The following DLC1 variants were observed in gnomAD, a reference collection of about 807,000 sequenced individuals.
The protein encoded by DLC1 is DLC1 Rho GTPase activating protein, also known as rho GTPase-activating protein 7.
Under a neutral mutation model 140.3 loss-of-function variants are expected in DLC1, and 54 were observed. That is an observed-to-expected ratio of 0.38 (90% CI 0.31 to 0.48). DLC1 has a LOEUF of 0.48. Ranked by LOEUF, DLC1 falls within the 20% of genes least tolerant of loss-of-function variation. DLC1 has a pLI of 0.96. For synonymous variants in DLC1, 986 were observed against 728.1 expected (o/e 1.35, Z -5.70); for missense variants, 2,536 against 1,907.0 (o/e 1.33, Z -6.14).
intron 5 of DLC1, among the ~76,000 whole-genome samples, chr8:13,165,968 C>G (rs554928914): frequency 1.3e-4 from 20 of 152,182 alleles, no homozygotes; most frequent in African/African-American, 3.6e-4. Context: ...GTACAGTAGT[C>G]GATACTATGT....
rs1246764417 is a variant in DLC1, at chr8:13,506,581, G to GTGTGTATATATA, written c.-125-6386_-125-6385insTATATATACACA. Among the ~76,000 whole-genome samples the GTGTGTATATATA allele has an allele frequency of 3.3e-4, 43 of 131,132 alleles. 1 individual carries two copies. In the South Asian group the frequency reaches 7.6e-3, roughly 23 times the overall value. The allele number at this position is 131,132 out of a possible 152,430, so 86.0% of individuals were successfully genotyped here. A position where few individuals can be genotyped will look rare whatever the true frequency, so the allele number is the denominator to read the frequency against. On this transcript the variant is annotated intron_variant, in intron 1 of 17. Coordinates refer to ENST00000276297, the MANE Select transcript of DLC1 (RefSeq NM_182643.3). ...CACACACACACATGTGTGTGTGTGT[G>GTGTGTATATATA]TATATATATATATATATATATATAT...
At chr8:13,302,455 C>T (rs143040523) in intron 5 of DLC1, among the ~76,000 whole-genome samples, 5 of 152,266 alleles carry the variant, frequency 3.3e-5, no homozygotes, top group African/African-American at 1.2e-4. Flanking sequence ...AGGAGACAAG[C>T]AGCAGAAATG....
intron 5 of DLC1, among the ~76,000 whole-genome samples, chr8:13,118,230 T>A (rs1318599126): frequency 6.6e-6 from 1 of 152,164 alleles, no homozygotes; most frequent in Admixed American, 6.6e-5. Context: ...CAAATGATCA[T>A]AAACTGATCA....
At chr8:13,300,371 C>A (rs1050525202) in intron 5 of DLC1, among the ~76,000 whole-genome samples, 4 of 152,120 alleles carry the variant, frequency 2.6e-5, no homozygotes, top group African/African-American at 9.7e-5. Flanking sequence ...TGCAGCAAAC[C>A]ACCATGACAC....
intron 1 of DLC1, among the ~76,000 whole-genome samples, chr8:13,532,763 C>G (rs542764812): frequency 2.0e-5 from 3 of 152,220 alleles, no homozygotes; most frequent in African/African-American, 4.8e-5. Context: ...GCACAAAGCT[C>G]TTAACCACTG....
chr8:13,514,565 C>A (rs964705109), intron 1 of DLC1, 37 bp downstream of exon 1: 2 of 398,416 alleles, frequency 5.0e-6, no homozygotes, highest in African/African-American at 4.1e-5. Flanking sequence ...TCTTCAAAGA[C>A]CGCCTCAAAG....
At chr8:13,218,969 T>C (rs1243335432) in intron 5 of DLC1, among the ~76,000 whole-genome samples, 1 of 114,492 alleles carries the variant, frequency 8.7e-6, no homozygotes, top group African/African-American at 3.6e-5. Flanking sequence ...TATATAATTA[T>C]ATACGTATAT....
chr8:13,206,099 A>G (rs1402205065), intron 5 of DLC1, among the ~76,000 whole-genome samples: 1 of 152,182 alleles, frequency 6.6e-6, no homozygotes. Context: ...CATTTTAAAT[A>G]TATTCTGTGA....
At chr8:13,389,985 G>A (rs919314068) in intron 4 of DLC1, among the ~76,000 whole-genome samples, 2 of 152,024 alleles carry the variant, frequency 1.3e-5, no homozygotes, top group Non-Finnish European at 2.9e-5. Flanking sequence ...AGCTCTGTAG[G>A]ATATTACAGT....
intron 4 of DLC1, among the ~76,000 whole-genome samples, chr8:13,307,224 C>T (rs185417085): frequency 2.6e-5 from 4 of 152,182 alleles, no homozygotes; most frequent in East Asian, 1.9e-4. Context: ...ACCGTTTCTC[C>T]GCATGCTTCC....
chr8:13,192,256 GATT>G (rs202115351), intron 5 of DLC1, among the ~76,000 whole-genome samples: 11,152 of 152,090 alleles, frequency 0.073, 496 homozygotes, highest in African/African-American at 0.12. Flanking sequence ...CAGCCAGCCT[GATT>G]ATTCTTGTAT....
In DLC1 at chr8:13,085,472, C is replaced by T. The variant is rs543791894; in HGVS notation, c.*339G>A. On this transcript the variant is annotated 3_prime_UTR_variant, in exon 18 of 18. Transcript: ENST00000276297. Reference sequence around the variant, plus strand: ...CACTGCAAATAAAGCGACACAGGTACGCATACACTGATATCACAAGAGAAT... The same window carrying T: ...CACTGCAAATAAAGCGACACAGGTATGCATACACTGATATCACAAGAGAAT... 32 of 199,056 alleles carry T rather than the reference C, an allele frequency of 1.6e-4. No individual in the cohort carries two copies. The highest frequency in any genetic ancestry group is 2.9e-4 in the Non-Finnish European group (28 of 96,068). 12.3% of individuals were successfully genotyped at this position (199,056 alleles called of 1,614,324 possible).
At chr8:13,383,681 C>T (rs1836375294) in intron 4 of DLC1, among the ~76,000 whole-genome samples, 2 of 152,174 alleles carry the variant, frequency 1.3e-5, no homozygotes, top group Non-Finnish European at 2.9e-5. Context: ...GAAGATAAGA[C>T]AGTTTGACTT....
At chr8:13,261,295 T>G (rs1830458167) in intron 5 of DLC1, among the ~76,000 whole-genome samples, 1 of 152,036 alleles carries the variant, frequency 6.6e-6, no homozygotes, top group African/African-American at 2.4e-5. Context: ...GGAAAAGAAT[T>G]TTTCAAGATG....
intron 1 of DLC1, among the ~76,000 whole-genome samples, chr8:13,530,251 T>C (rs763182448): frequency 6.6e-6 from 1 of 152,230 alleles, no homozygotes; most frequent in Non-Finnish European, 1.5e-5. Flanking sequence ...AAGTCCTCTA[T>C]GCTTGCCTAC....
intron 5 of DLC1, among the ~76,000 whole-genome samples, chr8:13,164,364 G>C (rs528243289): frequency 1.2e-4 from 18 of 151,526 alleles, no homozygotes; most frequent in African/African-American, 4.4e-4. Context: ...CTCTCTGTCT[G>C]TCTATTTGTG....
At chr8:13,115,891 G>C (rs1325845484) in intron 5 of DLC1, among the ~76,000 whole-genome samples, 2 of 152,120 alleles carry the variant, frequency 1.3e-5, no homozygotes, top group Non-Finnish European at 2.9e-5. Flanking sequence ...TAGAAATGGG[G>C]TCCTGAGAGT....
At chr8:13,325,922 T>C (rs1833326295) in intron 4 of DLC1, among the ~76,000 whole-genome samples, 1 of 152,222 alleles carries the variant, frequency 6.6e-6, no homozygotes, top group African/African-American at 2.4e-5. Context: ...TGGTCCCATA[T>C]GATTATAATG....
intron 2 of DLC1, among the ~76,000 whole-genome samples, chr8:13,461,182 C>A (rs1382034508): frequency 6.6e-6 from 1 of 152,218 alleles, no homozygotes; most frequent in East Asian, 1.9e-4. Context: ...TGCACCCCAG[C>A]CTGGCGGACA....
Sources: gnomAD v4.1 joint callset for allele counts (sites outside exome capture counted in the v4.1 genomes callset) on GRCh38, gnomAD v4.1.1 for gene constraint, MANE v1.5 for transcripts, NCBI Gene and HGNC (gene_info 2026-07-23, HGNC 2026-07-21) for gene names.